The following RTN1 variants were observed in gnomAD, a reference collection of about 807,000 sequenced individuals.
RTN1 encodes the protein reticulon-1.
RTN1 carries 25 observed loss-of-function variants against 65.5 expected under a neutral mutation model. The observed-to-expected ratio is 0.38, with a 90% CI of 0.28 to 0.53. The LOEUF (loss-of-function observed/expected upper bound fraction) is 0.53. Ranked by LOEUF, RTN1 falls within the 20% of genes least tolerant of loss-of-function variation. RTN1 has a pLI of 0.79. For missense variants in RTN1, 983 were observed against 1,025.4 expected, an observed-to-expected ratio of 0.96 and a Z score of 0.57; for synonymous variants, 471 against 447.6, an observed-to-expected ratio of 1.05 and a Z score of -0.66.
chr14:59,819,261 G>A (rs1414245876), intron 1 of RTN1, among the ~76,000 whole-genome samples: 1 of 151,982 alleles, frequency 6.6e-6, no homozygotes, highest in East Asian at 1.9e-4. Flanking sequence ...TCCACATTAT[G>A]GAAGGGGTTC....
intron 3 of RTN1, among the ~76,000 whole-genome samples, chr14:59,621,231 A>G (rs1265523661): frequency 6.6e-6 from 1 of 152,228 alleles, no homozygotes; most frequent in Non-Finnish European, 1.5e-5. Context: ...AATTACCCCC[A>G]GTGGTCTTCT....
intron 3 of RTN1, among the ~76,000 whole-genome samples, chr14:59,670,032 G>A (rs1253502350): frequency 5.3e-5 from 8 of 152,088 alleles, no homozygotes; most frequent in African/African-American, 2.4e-5. Flanking sequence ...AGTGTGCAAC[G>A]ACAAATAGAA....
intron 3 of RTN1, among the ~76,000 whole-genome samples, chr14:59,704,179 C>A (rs1351007859): frequency 6.6e-6 from 1 of 152,148 alleles, no homozygotes; most frequent in East Asian, 1.9e-4. Context: ...AATGCTCCTG[C>A]AAATATTTGC....
At chr14:59,668,234 T>C (rs921840412) in intron 3 of RTN1, among the ~76,000 whole-genome samples, 2 of 152,182 alleles carry the variant, frequency 1.3e-5, no homozygotes, top group Non-Finnish European at 1.5e-5. Flanking sequence ...CAAGACAGCA[T>C]GGTACTGGTA....
intron 1 of RTN1, among the ~76,000 whole-genome samples, chr14:59,862,577 T>G (rs912070060): frequency 6.6e-6 from 1 of 152,228 alleles, no homozygotes; most frequent in African/African-American, 2.4e-5. Flanking sequence ...ATCTTTTTAC[T>G]ATGCTTCATT....
rs1264855965 is a variant in RTN1, at chr14:59,858,244, C to T, written c.241+12146G>A. On this transcript the variant is annotated intron_variant, in intron 1 of 8. Coordinates refer to ENST00000267484, the MANE Select transcript of RTN1 (RefSeq NM_021136.3). ...GCCAATAAATCAGTGCTTCTTACAGCTTTAACATGCACCTGGTAGGCTTGC... is the reference window on the plus strand; with the variant it reads ...GCCAATAAATCAGTGCTTCTTACAGTTTTAACATGCACCTGGTAGGCTTGC... 2.0e-5 allele frequency among the ~76,000 whole-genome samples: 3 copies of T among 152,158 alleles called. No homozygotes were observed. The South Asian group carries it at 6.2e-4, about 32-fold the overall frequency.
intron 3 of RTN1, among the ~76,000 whole-genome samples, chr14:59,661,649 A>G (rs1318572365): frequency 2.0e-5 from 3 of 152,198 alleles, no homozygotes; most frequent in Non-Finnish European, 4.4e-5. Flanking sequence ...AACAACAAAA[A>G]CCACATGATT....
At chr14:59,673,481 G>A (rs1036465108) in intron 3 of RTN1, among the ~76,000 whole-genome samples, 2 of 152,160 alleles carry the variant, frequency 1.3e-5, no homozygotes, top group African/African-American at 4.8e-5. Context: ...AGTGAGTAAG[G>A]CAAAGAATTT....
intron 3 of RTN1, among the ~76,000 whole-genome samples, chr14:59,611,752 AGAGAATAG>A (rs1881957718): frequency 1.3e-5 from 2 of 152,224 alleles, no homozygotes; most frequent in Admixed American, 1.3e-4. Flanking sequence ...TTTCTCAGAC[AGAGAATAG>A]GAGGATAGTT....
intron 1 of RTN1, among the ~76,000 whole-genome samples, chr14:59,827,213 T>G (rs1887047450): frequency 1.3e-5 from 2 of 152,022 alleles, no homozygotes; most frequent in African/African-American, 4.8e-5. Flanking sequence ...CGAGTAGCTG[T>G]GACTACAGGC....
chr14:59,781,514 G>T (rs1400121851), intron 1 of RTN1, among the ~76,000 whole-genome samples: 1 of 152,022 alleles, frequency 6.6e-6, no homozygotes. Flanking sequence ...CTCAGTGTCT[G>T]CTATTTCTAC....
intron 3 of RTN1, among the ~76,000 whole-genome samples, chr14:59,663,967 G>A (rs1883307927): frequency 6.6e-6 from 1 of 152,140 alleles, no homozygotes; most frequent in East Asian, 1.9e-4. Context: ...TCATTACTGA[G>A]TATATACCCA....
At chr14:59,838,055 G>A (rs573202811) in intron 1 of RTN1, among the ~76,000 whole-genome samples, 2 of 152,176 alleles carry the variant, frequency 1.3e-5, no homozygotes, top group Non-Finnish European at 2.9e-5. Flanking sequence ...CTCAGGTAGT[G>A]AGCATAAGTA....
chr14:59,743,770 C>T (rs1814321188), intron 2 of RTN1, among the ~76,000 whole-genome samples: 1 of 152,136 alleles, frequency 6.6e-6, no homozygotes, highest in Admixed American at 6.5e-5. Flanking sequence ...TCCCAGTTCA[C>T]CTGGGGAGCT....
chr14:59,783,619 G>T (rs1303589494), intron 1 of RTN1, among the ~76,000 whole-genome samples: 1 of 152,134 alleles, frequency 6.6e-6, no homozygotes, highest in Non-Finnish European at 1.5e-5. Context: ...GTGATGAGCG[G>T]CCTCTGGACT....
Position 59,839,744 on chromosome 14 carries a change from C to T in RTN1, c.241+30646G>A, listed in dbSNP as rs1887276328. ...TAAATTTGGGCTAAAATTTAACCAA[C>T]TCAAATTGACCCATAGAGATAACTC... On this transcript the variant is annotated intron_variant, in intron 1 of 8. Transcript: ENST00000267484. Among the ~76,000 whole-genome samples, 9 of 152,206 alleles carry T rather than the reference C, an allele frequency of 5.9e-5. 1 individual carries two copies. In the South Asian group the frequency reaches 1.9e-3, roughly 32 times the overall value.
chr14:59,756,841 GTT>G (rs11450526), intron 1 of RTN1, among the ~76,000 whole-genome samples: 1 of 100,662 alleles, frequency 9.9e-6, no homozygotes. Context: ...TCTTTTTTTT[GTT>G]TTTTTTTTTT....
intron 3 of RTN1, among the ~76,000 whole-genome samples, chr14:59,609,553 G>A (rs1453002616): frequency 6.6e-6 from 1 of 152,186 alleles, no homozygotes; most frequent in Non-Finnish European, 1.5e-5. Context: ...AGAGGGCAGA[G>A]TGGGAGAAAA....
intron 1 of RTN1, among the ~76,000 whole-genome samples, chr14:59,795,224 C>A (rs372325374): frequency 3.3e-5 from 5 of 152,088 alleles, no homozygotes; most frequent in African/African-American, 1.2e-4. Context: ...ACTGTTTTTA[C>A]TTGATGACAT....
Sources: allele counts gnomAD v4.1 joint callset (sites outside exome capture counted in the v4.1 genomes callset), GRCh38; gene constraint gnomAD v4.1.1; transcripts MANE v1.5; gene names NCBI Gene and HGNC (gene_info 2026-07-23, HGNC 2026-07-21).